LDB2: variants seen among roughly 807,000 people sequenced by gnomAD.
LDB2 encodes LIM domain binding 2.
Under a neutral mutation model 44.3 loss-of-function variants are expected in LDB2, and 12 were observed. The ratio of observed to expected loss-of-function variants is 0.27; its 90% CI spans 0.17 to 0.44. The LOEUF (loss-of-function observed/expected upper bound fraction) is 0.44, where lower values mean the gene tolerates loss of function less well. Ranked by LOEUF, LDB2 falls within the 20% of genes least tolerant of loss-of-function variation. LDB2 has a pLI of 1.00. For synonymous variants in LDB2, 164 were observed against 174.8 expected (o/e 0.94, Z 0.49); for missense variants, 344 against 473.5 (o/e 0.73, Z 2.54).
At chr4:16,553,039 C>T (rs1501127) in intron 5 of LDB2, among the ~76,000 whole-genome samples, 100,476 of 152,074 alleles carry the variant, frequency 0.66, 35,674 homozygotes, top group Non-Finnish European at 0.8. Flanking sequence ...TCCAAATCTC[C>T]ATGCATTCTG....
intron 1 of LDB2, among the ~76,000 whole-genome samples, chr4:16,851,022 G>A (rs1788129782): frequency 6.7e-6 from 1 of 149,600 alleles, no homozygotes; most frequent in Admixed American, 6.7e-5. Context: ...TGTTAAGTGA[G>A]GGGAAAACTT....
chr4:16,692,193 G>A (rs991719289), intron 2 of LDB2, among the ~76,000 whole-genome samples: 1 of 152,166 alleles, frequency 6.6e-6, no homozygotes, highest in Non-Finnish European at 1.5e-5. Flanking sequence ...ACATCAAAAT[G>A]CAGATGCGTA....
At chr4:16,657,580 C>A (rs1740261883) in intron 2 of LDB2, among the ~76,000 whole-genome samples, 2 of 152,142 alleles carry the variant, frequency 1.3e-5, no homozygotes, top group Non-Finnish European at 2.9e-5. Context: ...CTACAAGGCC[C>A]TACATTATCT....
Position 16,739,614 on chromosome 4 carries a change from ATATACATGTGTGTG to A in LDB2, c.235+19530_235+19543del, listed in dbSNP as rs1419261391. On this transcript the variant is annotated intron_variant, in intron 2 of 7. Coordinates refer to ENST00000304523, the MANE Select transcript of LDB2 (RefSeq NM_001290.5). ...AATATATATATATATATATATGTATATATACATGTGTGTGTATATATGTATATATACATATGTGT... is the reference window on the plus strand; with the variant it reads ...AATATATATATATATATATATGTATATATATATGTATATATACATATGTGT... Among the ~76,000 whole-genome samples, 66 of 85,158 alleles carry A rather than the reference ATATACATGTGTGTG, an allele frequency of 7.8e-4. 14 individuals are homozygous for A. Among genetic ancestry groups the A allele is most frequent in the African/African-American group, 2.8e-3 (59 of 20,714 alleles). 55.9% of individuals were successfully genotyped at this position (85,158 alleles called of 152,430 possible).
At chr4:16,713,423 T>C (rs1578999201) in intron 2 of LDB2, among the ~76,000 whole-genome samples, 1 of 151,740 alleles carries the variant, frequency 6.6e-6, no homozygotes, top group African/African-American at 2.4e-5. Context: ...GAACTAACAA[T>C]AGGAAGCAGC....
chr4:16,779,875 T>C (rs1011359995), intron 1 of LDB2, among the ~76,000 whole-genome samples: 15 of 152,238 alleles, frequency 9.9e-5, no homozygotes, highest in Non-Finnish European at 1.6e-4. Flanking sequence ...TTTGAAATTA[T>C]TTTTGACTTT....
intron 3 of LDB2, among the ~76,000 whole-genome samples, chr4:16,595,429 C>A (rs1317425439): frequency 6.6e-6 from 1 of 152,068 alleles, no homozygotes; most frequent in East Asian, 1.9e-4. Flanking sequence ...AATCTAGCAA[C>A]TAAAATTTAA....
At chr4:16,766,465 T>TATGTGTGTGTATATATATACACACAC (rs1561156626) in intron 1 of LDB2, among the ~76,000 whole-genome samples, 17 of 16,208 alleles carry the variant, frequency 1.0e-3, no homozygotes, top group Non-Finnish European at 3.9e-3. Context: ...TACACACACA[T>TATGTGTGTGTATATATATACACACAC]ATATGTGTGT....
intron 1 of LDB2, among the ~76,000 whole-genome samples, chr4:16,827,282 A>T (rs1783234433): frequency 6.6e-6 from 1 of 152,224 alleles, no homozygotes; most frequent in Non-Finnish European, 1.5e-5. Flanking sequence ...TCAGAATAAG[A>T]GGCAATTCAG....
chr4:16,711,558 T>G (rs1755876388), intron 2 of LDB2, among the ~76,000 whole-genome samples: 1 of 152,224 alleles, frequency 6.6e-6, no homozygotes, highest in Non-Finnish European at 1.5e-5. Flanking sequence ...AAGTCTGATC[T>G]GGGTTTTAAC....
intron 2 of LDB2, among the ~76,000 whole-genome samples, chr4:16,744,122 A>C (rs1301349714): frequency 1.3e-5 from 2 of 152,104 alleles, no homozygotes; most frequent in South Asian, 4.1e-4. Flanking sequence ...AACTTTAGCA[A>C]GTTACTAATA....
intron 5 of LDB2, among the ~76,000 whole-genome samples, chr4:16,577,841 A>T (rs1712390545): frequency 6.6e-6 from 1 of 152,202 alleles, no homozygotes; most frequent in South Asian, 2.1e-4. Flanking sequence ...TAACTAAAAC[A>T]GCATGGTACT....
chr4:16,572,261 T>G (rs1427215319), intron 5 of LDB2, among the ~76,000 whole-genome samples: 2 of 152,182 alleles, frequency 1.3e-5, no homozygotes, highest in Non-Finnish European at 2.9e-5. Context: ...TTCTAGACAA[T>G]TGGGAAGACT....
intron 2 of LDB2, among the ~76,000 whole-genome samples, chr4:16,681,679 T>C (rs1386156516): frequency 1.6e-5 from 2 of 127,444 alleles, no homozygotes; most frequent in African/African-American, 5.9e-5. Flanking sequence ...CAGGCTGGAG[T>C]GCAGTGATGG....
chr4:16,535,877 A>T (rs988880989), intron 5 of LDB2, among the ~76,000 whole-genome samples: 12 of 152,230 alleles, frequency 7.9e-5, no homozygotes, highest in African/African-American at 2.9e-4. Flanking sequence ...AAGAAGCAAC[A>T]GAACTGGGAG....
At chr4:16,827,753 G>A (rs1580033685) in intron 1 of LDB2, among the ~76,000 whole-genome samples, 1 of 152,262 alleles carries the variant, frequency 6.6e-6, no homozygotes, top group East Asian at 1.9e-4. Context: ...ATATGTCTAT[G>A]CTTTGACAAC....
At chr4:16,510,416 A>G (rs181663480) in intron 6 of LDB2, among the ~76,000 whole-genome samples, 1 of 152,304 alleles carries the variant, frequency 6.6e-6, no homozygotes, top group Non-Finnish European at 1.5e-5. Flanking sequence ...GGAGTTGAAT[A>G]AAGGGTTGAG....
chr4:16,739,880 T>A (rs964104871), intron 2 of LDB2, among the ~76,000 whole-genome samples: 1 of 150,614 alleles, frequency 6.6e-6, no homozygotes, highest in African/African-American at 2.4e-5. Context: ...GGGTTTTTTT[T>A]AAACATAAAA....
At chr4:16,759,397 G>A (rs1009582911) in intron 1 of LDB2, 137 bp from the exon 2 acceptor site, 3 of 628,534 alleles carry the variant, frequency 4.8e-6, no homozygotes, top group East Asian at 2.8e-5. Flanking sequence ...TTCTAGGAAA[G>A]GGTAGGTGGG....
Sources: allele counts gnomAD v4.1 joint callset (sites outside exome capture counted in the v4.1 genomes callset), GRCh38; gene constraint gnomAD v4.1.1; transcripts MANE v1.5; gene names NCBI Gene and HGNC (gene_info 2026-07-23, HGNC 2026-07-21).